AZIN1: variants seen among roughly 807,000 people sequenced by gnomAD.
The protein encoded by AZIN1 is antizyme inhibitor 1, also known as ornithine decarboxylase antizyme inhibitor.
Under a neutral mutation model 47.4 loss-of-function variants are expected in AZIN1, and 12 were observed. The observed-to-expected ratio is 0.25, with a 90% CI of 0.16 to 0.41. The LOEUF (loss-of-function observed/expected upper bound fraction) is 0.41. AZIN1 is among the 10% of genes least tolerant of loss of function. The probability of loss-of-function intolerance (pLI) is 1.00; values close to 1 mark genes in which losing one functional copy is unlikely to be tolerated. For synonymous variants in AZIN1, 155 were observed against 176.3 expected (o/e 0.88, Z 0.96); for missense variants, 410 against 532.4 (o/e 0.77, Z 2.26).
At chr8:102,829,210 T>G (rs1198422431) in intron 11 of AZIN1, 62 bp downstream of exon 11, 6 of 1,398,396 alleles carry the variant, frequency 4.3e-6, no homozygotes, top group Non-Finnish European at 6.0e-6. Context: ...AATTAAAACT[T>G]ATTAGCAAGT....
At chr8:102,829,015 CAGA>C (rs1811272801) in intron 11 of AZIN1, among the ~76,000 whole-genome samples, 1 of 152,176 alleles carries the variant, frequency 6.6e-6, no homozygotes. Context: ...CAGTATTAAA[CAGA>C]GTAACATGCT....
At chr8:102,839,573 TG>T in intron 4 of AZIN1, 76 bp downstream of exon 4, 1 of 1,063,140 alleles carries the variant, frequency 9.4e-7, no homozygotes. Context: ...TCCTTGCATT[TG>T]TTCTCTAACC....
intron 11 of AZIN1, among the ~76,000 whole-genome samples, chr8:102,828,999 T>C (rs1811270457): frequency 6.6e-6 from 1 of 152,244 alleles, no homozygotes; most frequent in African/African-American, 2.4e-5. Flanking sequence ...GCATTACAAC[T>C]GCCAACAGTA....
intron 4 of AZIN1, 42 bp from the exon 5 acceptor site, chr8:102,838,958 T>C (rs781006452): frequency 6.4e-7 from 1 of 1,552,026 alleles, no homozygotes; most frequent in Admixed American, 1.8e-5. Context: ...AATGTCACAG[T>C]TCATATTCTG....
At chr8:102,834,541 A>C in intron 7 of AZIN1, 125 bp downstream of exon 7, 3 of 727,658 alleles carry the variant, frequency 4.1e-6, no homozygotes, top group Non-Finnish European at 6.8e-6. Context: ...CTTATATAAT[A>C]AAAATGAGGT....
At chr8:102,832,447 G>C (rs766615067) in intron 9 of AZIN1, among the ~76,000 whole-genome samples, 10 of 152,174 alleles carry the variant, frequency 6.6e-5, no homozygotes, top group Non-Finnish European at 1.3e-4. Context: ...GCCCTTATGT[G>C]AGAAAGTGTG....
At position 102,839,669 on chromosome 8, in the gene AZIN1, C is replaced by T; in HGVS notation, c.257G>A (p.Gly86Glu). The T allele has an allele frequency of 6.4e-7, 1 of 1,564,340 alleles. No homozygotes were observed. Among genetic ancestry groups the T allele is most frequent in the Non-Finnish European group, 8.6e-7 (1 of 1,156,110 alleles). The change falls in exon 4 of 12, where the codon GGA (glycine) becomes GAA (glutamate). Residue 86 changes from glycine (G) to glutamate (E), a missense_variant. By Grantham distance (98) the Gly-to-Glu change is moderately conservative. Transcript: ENST00000337198. ...ACTTACTTTACTGGAACAAGCAAATCCGGTTCCAAGAGCTGCCAAAATCTC... is the reference window on the plus strand; with the variant it reads ...ACTTACTTTACTGGAACAAGCAAATTCGGTTCCAAGAGCTGCCAAAATCTC... ...VLEILAALGT[G>E]FACSSKNEMA...
At chr8:102,828,838 G>C (rs1003541635) in intron 11 of AZIN1, among the ~76,000 whole-genome samples, 160 bp from the exon 12 acceptor site, 1 of 152,120 alleles carries the variant, frequency 6.6e-6, no homozygotes, top group African/African-American at 2.4e-5. Flanking sequence ...GTGATGTTTT[G>C]GTCAAAGACT....
intron 1 of AZIN1, among the ~76,000 whole-genome samples, chr8:102,863,171 G>T (rs1353104169): frequency 6.6e-6 from 1 of 152,216 alleles, no homozygotes; most frequent in African/African-American, 2.4e-5. Context: ...CTTCCCCGCC[G>T]CCAGGCCCCA....
Position 102,826,936 on chromosome 8 carries a change from A to T in AZIN1, c.*1631T>A, listed in dbSNP as rs1062315. ...ATGGATTGGGGCCCTATATATATAT[A>T]TTTTTAATAGAACCCATGAGATTTA... On this transcript the variant is annotated 3_prime_UTR_variant, in exon 12 of 12. Coordinates refer to ENST00000337198, the MANE Select transcript of AZIN1 (RefSeq NM_148174.4). The T allele has an allele frequency of 0.25, 37,358 of 152,080 alleles. 5,239 individuals carry two copies. The highest frequency in any genetic ancestry group is 0.39 in the South Asian group (1,879 of 4,812). The allele number at this position is 152,080 out of a possible 1,614,324, so 9.4% of individuals were successfully genotyped here.
intron 1 of AZIN1, among the ~76,000 whole-genome samples, chr8:102,861,907 G>A (rs151023883): frequency 0.032 from 4,839 of 151,840 alleles, 112 homozygotes; most frequent in Non-Finnish European, 0.046. Context: ...GGCGTGGTGG[G>A]CGCCTGTAAT....
chr8:102,854,590 C>T (rs1221556702), intron 2 of AZIN1: 17 of 53,116 alleles, frequency 3.2e-4, no homozygotes, highest in Non-Finnish European at 6.1e-4. Flanking sequence ...GGAGGAGACT[C>T]TGTCAAAAAA....
rs2131205443 is a variant in AZIN1, at chr8:102,834,263, C to T, written c.667G>A (p.Gly223Arg). 2 of 1,608,954 alleles carry T rather than the reference C, an allele frequency of 1.2e-6. No homozygotes were observed. The highest frequency in any genetic ancestry group is 2.2e-5 in the East Asian group (1 of 44,776). Residue 223 changes from glycine (G) to arginine (R), a missense_variant and splice_region_variant, in exon 8 of 12, where the codon GGA becomes AGA. Coordinates refer to ENST00000337198, the MANE Select transcript of AZIN1 (RefSeq NM_148174.4). ...ATGTTCATCGTAAAGCCAATTTCTCCCTAGAGATGGAAAAAAAAAATTTAA... is the reference window on the plus strand; with the variant it reads ...ATGTTCATCGTAAAGCCAATTTCTCTCTAGAGATGGAAAAAAAAAATTTAA... ...SDARCVFDMA[G>R]EIGFTMNMLD...
Position 102,843,595 on chromosome 8 carries a change from T to C in AZIN1, c.58A>G (p.Asn20Asp). The part of the protein sequence containing the change: ...YSVGLLDEGT[N>D]LGNVIDNYVY... The stretch of plus-strand genomic sequence containing the variant: ...TAGTTATCAATAACATTTCCAAGGT[T>C]TGTTCCTTCATCCAACAGGCCAACG... Residue 20 changes from asparagine to aspartate, a missense_variant, in exon 3 of 12, where the codon AAC (asparagine) becomes GAC (aspartate). Physicochemically the swap from Asn to Asp is conservative, Grantham distance 23. Transcript: ENST00000337198. 6.2e-7 allele frequency: 1 copy of C among 1,614,136 alleles called. No individual in the cohort carries two copies. Among genetic ancestry groups the C allele is most frequent in the Non-Finnish European group, 8.5e-7 (1 of 1,179,992 alleles).
intron 5 of AZIN1, 142 bp downstream of exon 5, chr8:102,838,602 T>TCC: frequency 3.3e-6 from 2 of 599,442 alleles, no homozygotes; most frequent in Non-Finnish European, 5.5e-6. Context: ...TACTAGTGTT[T>TCC]CCCACAGAGG....
intron 1 of AZIN1, among the ~76,000 whole-genome samples, chr8:102,858,372 A>G (rs577554281): frequency 6.6e-6 from 1 of 152,348 alleles, no homozygotes; most frequent in South Asian, 2.1e-4. Context: ...TTGATGTCAT[A>G]GCCATCTTAC....
chr8:102,829,507 TTTAA>T, intron 10 of AZIN1, 21 bp from the exon 11 acceptor site: 1 of 1,582,878 alleles, frequency 6.3e-7, no homozygotes, highest in African/African-American at 1.4e-5. Flanking sequence ...AGTTTTACAA[TTTAA>T]TTTTTACTCA....
chr8:102,861,563 AC>A (rs1360709790), intron 1 of AZIN1, among the ~76,000 whole-genome samples: 4 of 152,064 alleles, frequency 2.6e-5, no homozygotes, highest in African/African-American at 9.7e-5. Flanking sequence ...AGGGACAGTC[AC>A]CTAATGGGCT....
intron 3 of AZIN1, among the ~76,000 whole-genome samples, chr8:102,840,634 T>C (rs1812120359): frequency 6.6e-6 from 1 of 152,190 alleles, no homozygotes; most frequent in Non-Finnish European, 1.5e-5. Context: ...TTCCTTAAAG[T>C]TGTGGCTATT....
Sources: gnomAD v4.1 joint callset for allele counts (sites outside exome capture counted in the v4.1 genomes callset) on GRCh38, gnomAD v4.1.1 for gene constraint, MANE v1.5 for transcripts, NCBI Gene and HGNC (gene_info 2026-07-23, HGNC 2026-07-21) for gene names.